AFF3: variants seen among roughly 807,000 people sequenced by gnomAD.
The protein encoded by AFF3 is ALF transcription elongation factor 3.
Under a neutral mutation model 129.7 loss-of-function variants are expected in AFF3, and 32 were observed. The ratio of observed to expected loss-of-function variants is 0.25; its 90% confidence interval spans 0.19 to 0.33. The LOEUF is 0.33. AFF3 is among the 10% of genes least tolerant of loss of function. The pLI, the probability that AFF3 is intolerant of heterozygous loss-of-function variation, is 1.00. For missense variants in AFF3, 1,373 were observed against 1,592.0 expected (o/e 0.86, Z 2.34); for synonymous variants, 644 against 635.4 (o/e 1.01, Z -0.20).
chr2:100,064,798 T>G (rs1687586262), intron 4 of AFF3, among the ~76,000 whole-genome samples: 1 of 152,246 alleles, frequency 6.6e-6, no homozygotes, highest in Admixed American at 6.5e-5. Flanking sequence ...ACGTATTAAC[T>G]GCCAACTCAT....
chr2:99,872,865 C>G (rs961034597), intron 7 of AFF3, among the ~76,000 whole-genome samples: 1 of 152,162 alleles, frequency 6.6e-6, no homozygotes, highest in Non-Finnish European at 1.5e-5. Context: ...AAGTAGTTGT[C>G]AAACTCCTGG....
rs374070507 is a variant in AFF3, at chr2:99,934,765, G to A, written c.873+71867C>T. ...ACCGTCTTCTATTAGTGCCTCTGTC[G>A]GGGAGAAGAATGGGTGCACACGGCT... On this transcript the variant is annotated intron_variant, in intron 7 of 24. Transcript: ENST00000672756. Among the ~76,000 whole-genome samples, 6 of 152,254 alleles carry A rather than the reference G, an allele frequency of 3.9e-5. No homozygotes were observed. In the South Asian group the frequency reaches 6.2e-4, roughly 16 times the overall value.
intron 5 of AFF3, 47 bp downstream of exon 5, chr2:100,008,765 G>A (rs1044875174): frequency 1.9e-6 from 3 of 1,598,584 alleles, no homozygotes; most frequent in Non-Finnish European, 2.6e-6. Flanking sequence ...CACAGGGAGT[G>A]AGAGAAACAA....
chr2:99,944,718 A>G lies in AFF3; in HGVS notation c.873+61914T>C, dbSNP rs537365475. 2.5e-4 allele frequency among the ~76,000 whole-genome samples: 38 copies of G among 152,324 alleles called. No individual in the cohort carries two copies. The East Asian group carries it at 6.0e-3, about 24-fold the overall frequency. ...TTGGGGAAGGTACAAGAAGGATAAG[A>G]CAAGGCATTGGGTGACAGAGCTGCC... On this transcript the variant is annotated intron_variant, in intron 7 of 24. Transcript: ENST00000672756.
At chr2:99,972,958 C>G (rs1046752395) in intron 7 of AFF3, among the ~76,000 whole-genome samples, 1 of 152,182 alleles carries the variant, frequency 6.6e-6, no homozygotes, top group Non-Finnish European at 1.5e-5. Context: ...CACCTCAACA[C>G]CTATAAATGG....
chr2:99,837,100 A>G (rs1206878259), intron 8 of AFF3, among the ~76,000 whole-genome samples: 3 of 152,238 alleles, frequency 2.0e-5, no homozygotes, highest in Non-Finnish European at 2.9e-5. Context: ...TTAAGTTTAC[A>G]GGAAAAATAA....
chr2:99,682,758 T>TA (rs1311604818), intron 11 of AFF3, among the ~76,000 whole-genome samples: 1 of 152,158 alleles, frequency 6.6e-6, no homozygotes, highest in African/African-American at 2.4e-5. Context: ...GGTTTTTGGT[T>TA]AAATGTTGCC....
At chr2:99,990,388 T>A (rs935355891) in intron 7 of AFF3, among the ~76,000 whole-genome samples, 1 of 152,172 alleles carries the variant, frequency 6.6e-6, no homozygotes, top group Non-Finnish European at 1.5e-5. Flanking sequence ...GTGAACACGA[T>A]CTAATTGTTC....
chr2:99,810,755 A>G (rs1432894217), intron 8 of AFF3, among the ~76,000 whole-genome samples: 1 of 152,198 alleles, frequency 6.6e-6, no homozygotes, highest in African/African-American at 2.4e-5. Context: ...AAAGTTTAAA[A>G]TGCATGAAAA....
chr2:100,004,070 T>A (rs1348007256), intron 7 of AFF3, among the ~76,000 whole-genome samples: 1 of 152,214 alleles, frequency 6.6e-6, no homozygotes, highest in Non-Finnish European at 1.5e-5. Context: ...GCCAAACAGC[T>A]ATTTTTGTAT....
intron 7 of AFF3, among the ~76,000 whole-genome samples, chr2:99,968,421 C>G (rs906922497): frequency 1.3e-5 from 2 of 152,218 alleles, no homozygotes; most frequent in Non-Finnish European, 2.9e-5. Context: ...AGGATGCCTA[C>G]TCTGTCTGTC....
intron 11 of AFF3, among the ~76,000 whole-genome samples, chr2:99,719,671 A>G (rs551263495): frequency 2.6e-5 from 4 of 152,336 alleles, no homozygotes; most frequent in Admixed American, 2.6e-4. Flanking sequence ...TAGCATTAAT[A>G]TGGTCACGAA....
chr2:99,612,236 T>C (rs1681006578), intron 13 of AFF3, among the ~76,000 whole-genome samples: 1 of 152,184 alleles, frequency 6.6e-6, no homozygotes, highest in Admixed American at 6.5e-5. Flanking sequence ...ATTTAGCAAG[T>C]AGAAAGGAAC....
chr2:100,059,612 G>A (rs1257172190), intron 4 of AFF3, among the ~76,000 whole-genome samples: 1 of 152,150 alleles, frequency 6.6e-6, no homozygotes, highest in African/African-American at 2.4e-5. Context: ...TGAGGTGTAT[G>A]GTATGTGAAT....
chr2:99,823,251 T>C (rs948668448), intron 8 of AFF3, among the ~76,000 whole-genome samples: 16 of 152,212 alleles, frequency 1.1e-4, no homozygotes, highest in Non-Finnish European at 1.3e-4. Flanking sequence ...AAGCCTATCC[T>C]TCCCCAACCC....
At chr2:99,770,261 G>A (rs892199557) in intron 8 of AFF3, among the ~76,000 whole-genome samples, 5 of 152,138 alleles carry the variant, frequency 3.3e-5, no homozygotes, top group African/African-American at 4.8e-5. Flanking sequence ...CCAAGGCCAC[G>A]ACCACGACAG....
intron 11 of AFF3, among the ~76,000 whole-genome samples, chr2:99,673,099 T>G (rs965955699): frequency 2.0e-5 from 3 of 152,042 alleles, no homozygotes; most frequent in African/African-American, 7.2e-5. Flanking sequence ...CTGGGCAGTT[T>G]GCATTCCACA....
intron 7 of AFF3, among the ~76,000 whole-genome samples, chr2:99,854,081 T>C (rs994656511): frequency 6.6e-6 from 1 of 152,176 alleles, no homozygotes; most frequent in Non-Finnish European, 1.5e-5. Flanking sequence ...GTTCCTTTTG[T>C]ATCTGGATCA....
At chr2:99,989,364 C>A (rs772924058) in intron 7 of AFF3, among the ~76,000 whole-genome samples, 3 of 152,208 alleles carry the variant, frequency 2.0e-5, no homozygotes, top group Non-Finnish European at 4.4e-5. Context: ...AGGATACCCA[C>A]ATTTCAACAT....
Sources: allele counts gnomAD v4.1 joint callset (sites outside exome capture counted in the v4.1 genomes callset), GRCh38; gene constraint gnomAD v4.1.1; transcripts MANE v1.5; gene names NCBI Gene and HGNC (gene_info 2026-07-23, HGNC 2026-07-21).